Variants in CTNNA3 observed in about 807,000 individuals in gnomAD.
CTNNA3 encodes the protein catenin alpha 3.
Under a neutral mutation model 95.7 loss-of-function variants are expected in CTNNA3, and 76 were observed. The observed-to-expected ratio is 0.79, with a 90% confidence interval of 0.66 to 0.96. The LOEUF (loss-of-function observed/expected upper bound fraction) is 0.96, where lower values mean the gene tolerates loss of function less well. Ranked by LOEUF, CTNNA3 falls within the 40% of genes least tolerant of loss-of-function variation. CTNNA3 has a pLI of 0.00. For missense variants in CTNNA3, 1,191 were observed against 1,089.8 expected (o/e 1.09, Z -1.31); for synonymous variants, 431 against 374.4 (o/e 1.15, Z -1.74).
chr10:66,931,304 G>GT (rs1284433521), intron 7 of CTNNA3, among the ~76,000 whole-genome samples: 4 of 151,546 alleles, frequency 2.6e-5, no homozygotes, highest in African/African-American at 9.7e-5. Context: ...CTTCATGTGA[G>GT]TTTTTTTCCA....
intron 15 of CTNNA3, among the ~76,000 whole-genome samples, chr10:66,045,884 C>T (rs1018514621): frequency 3.3e-5 from 5 of 151,976 alleles, no homozygotes; most frequent in Non-Finnish European, 7.4e-5. Context: ...CATTGCCAGG[C>T]CTATAATGAT....
chr10:67,583,882 G>C (rs1842515743), intron 3 of CTNNA3, among the ~76,000 whole-genome samples: 1 of 152,090 alleles, frequency 6.6e-6, no homozygotes, highest in African/African-American at 2.4e-5. Flanking sequence ...TCGTCACGTA[G>C]TTCTCGTGCC....
intron 7 of CTNNA3, among the ~76,000 whole-genome samples, chr10:67,054,099 A>G (rs747399948): frequency 6.6e-6 from 1 of 152,206 alleles, no homozygotes; most frequent in Non-Finnish European, 1.5e-5. Context: ...TAAGCAGCTT[A>G]GTATCCATCG....
intron 5 of CTNNA3, among the ~76,000 whole-genome samples, chr10:67,360,724 G>T (rs373780134): frequency 6.6e-6 from 1 of 152,138 alleles, no homozygotes; most frequent in South Asian, 2.1e-4. Flanking sequence ...AGAGCAGAGA[G>T]GGGGAGGTGC....
intron 7 of CTNNA3, among the ~76,000 whole-genome samples, chr10:66,857,388 A>T (rs1306521720): frequency 1.0e-3 from 98 of 96,208 alleles, no homozygotes; most frequent in Middle Eastern, 0.011. Flanking sequence ...TATTTGGACT[A>T]ATTTTTTTTT....
chr10:66,517,442 C>T lies in CTNNA3; in HGVS notation c.1531+3175G>A, dbSNP rs376200696. ...TAAAATAGGTTTGCAGTAAAGAAGC[C>T]GGCTAAATCCTACCAAAACCAAGAT... On this transcript the variant is annotated intron_variant, in intron 11 of 17. Coordinates refer to ENST00000433211, the MANE Select transcript of CTNNA3 (RefSeq NM_013266.4). Among the ~76,000 whole-genome samples the T allele has an allele frequency of 3.9e-5, 6 of 152,088 alleles. No individual in the cohort carries two copies. In the East Asian group the frequency reaches 9.7e-4, roughly 25 times the overall value.
chr10:67,206,070 TC>T (rs2132225830), intron 6 of CTNNA3, among the ~76,000 whole-genome samples: 1 of 152,302 alleles, frequency 6.6e-6, no homozygotes, highest in Non-Finnish European at 1.5e-5. Context: ...GGTGCCTGGC[TC>T]CAAGTTACAA....
At chr10:66,276,539 C>T (rs2091402987) in intron 13 of CTNNA3, among the ~76,000 whole-genome samples, 1 of 152,058 alleles carries the variant, frequency 6.6e-6, no homozygotes, top group South Asian at 2.1e-4. Context: ...AATTATAATA[C>T]TACCTTAAAT....
At chr10:66,163,971 A>G (rs1195453380) in intron 13 of CTNNA3, among the ~76,000 whole-genome samples, 1 of 152,170 alleles carries the variant, frequency 6.6e-6, no homozygotes, top group Non-Finnish European at 1.5e-5. Context: ...TACATATTTG[A>G]GTAACATTGT....
Position 67,518,215 on chromosome 10 carries a change from C to T in CTNNA3, c.579+3627G>A, listed in dbSNP as rs149420741. On this transcript the variant is annotated intron_variant, in intron 5 of 17. Transcript: ENST00000433211. The stretch of plus-strand genomic sequence containing the variant: ...CATGGATTCTCAATGAGTATATCAT[C>T]AATCAAATGCTAAATTGTATGACAC... Among the ~76,000 whole-genome samples the T allele has an allele frequency of 1.4e-4, 22 of 152,198 alleles. 1 individual carries two copies. The East Asian group carries it at 4.2e-3, about 29-fold the overall frequency.
chr10:65,938,972 G>C (rs913840880), intron 17 of CTNNA3, among the ~76,000 whole-genome samples: 1 of 151,526 alleles, frequency 6.6e-6, no homozygotes, highest in Admixed American at 6.6e-5. Flanking sequence ...GCGCGATCTC[G>C]GCTCACTGCA....
chr10:67,646,187 T>C (rs1001348807), intron 2 of CTNNA3, among the ~76,000 whole-genome samples: 3 of 108,032 alleles, frequency 2.8e-5, no homozygotes, highest in Admixed American at 9.4e-5. Flanking sequence ...TTTTTCTTTC[T>C]TTTTTTTTTT....
intron 3 of CTNNA3, among the ~76,000 whole-genome samples, chr10:67,571,279 A>G (rs1841966241): frequency 6.6e-6 from 1 of 152,178 alleles, no homozygotes; most frequent in South Asian, 2.1e-4. Context: ...TCAAGTTTAT[A>G]CTAAAGAAAT....
At position 66,879,918 on chromosome 10, in the gene CTNNA3, C is replaced by T. The variant is rs1033407957; in HGVS notation, c.1048-104394G>A. 2.0e-5 allele frequency among the ~76,000 whole-genome samples: 3 copies of T among 151,992 alleles called. No homozygotes were observed. The South Asian group carries it at 6.2e-4, about 32-fold the overall frequency. On this transcript the variant is annotated intron_variant, in intron 7 of 17. Transcript: ENST00000433211. ...CCTGGAGCCAAACAATAAAGTCTTA[C>T]CTGACACATACTGGGAAATGTAGAG...
chr10:67,231,949 G>A (rs957157881), intron 5 of CTNNA3, among the ~76,000 whole-genome samples: 5 of 152,134 alleles, frequency 3.3e-5, no homozygotes, highest in Admixed American at 2.6e-4. Flanking sequence ...AGTGAGAAGG[G>A]AAGTTTAGAC....
chr10:67,702,109 C>A (rs1191875745), intron 1 of CTNNA3, among the ~76,000 whole-genome samples: 2 of 152,134 alleles, frequency 1.3e-5, no homozygotes, highest in Non-Finnish European at 2.9e-5. Flanking sequence ...AATGCAGGAG[C>A]ACCCAGATTC....
Position 66,058,417 on chromosome 10 carries a change from A to G in CTNNA3, c.2159+10891T>C, listed in dbSNP as rs187705860. Among the ~76,000 whole-genome samples, 34 of 152,166 alleles carry G rather than the reference A, an allele frequency of 2.2e-4. 1 individual carries two copies. Among genetic ancestry groups the G allele is most frequent in the African/African-American group, 8.2e-4 (34 of 41,554 alleles). ...AAAATAAGTTCAACCCCACCTCCCA[A>G]CCTAGTTCTTCATCCACCATCCCTC... is the stretch of plus-strand genomic sequence containing the variant. On this transcript the variant is annotated intron_variant, in intron 15 of 17. Coordinates refer to ENST00000433211, the MANE Select transcript of CTNNA3 (RefSeq NM_013266.4).
chr10:67,372,951 T>G (rs1843537557), intron 5 of CTNNA3, among the ~76,000 whole-genome samples: 1 of 152,144 alleles, frequency 6.6e-6, no homozygotes, highest in Non-Finnish European at 1.5e-5. Flanking sequence ...CCACCAGGCC[T>G]GCCCTAAAAG....
chr10:67,222,798 A>G lies in CTNNA3; in HGVS notation c.580-2928T>C, dbSNP rs150337439. 2.5e-4 allele frequency among the ~76,000 whole-genome samples: 38 copies of G among 152,344 alleles called. No homozygotes were observed. The East Asian group carries it at 7.1e-3, about 29-fold the overall frequency. On this transcript the variant is annotated intron_variant, in intron 5 of 17. Coordinates refer to ENST00000433211, the MANE Select transcript of CTNNA3 (RefSeq NM_013266.4). ...TTCTCTCTGAAGTGACCTATACATTATGCTTCTTTATTTAGAAGGACAGTG... is the reference window on the plus strand; with the variant it reads ...TTCTCTCTGAAGTGACCTATACATTGTGCTTCTTTATTTAGAAGGACAGTG...
Sources: allele counts gnomAD v4.1 joint callset (sites outside exome capture counted in the v4.1 genomes callset), GRCh38; gene constraint gnomAD v4.1.1; transcripts MANE v1.5; gene names NCBI Gene and HGNC (gene_info 2026-07-23, HGNC 2026-07-21).